Variants in CERS6 observed in about 807,000 individuals in gnomAD.
CERS6 encodes ceramide synthase 6.
In CERS6, 26 loss-of-function variants were observed where a neutral mutation model predicts 56.8. The observed-to-expected ratio is 0.46, with a 90% CI of 0.34 to 0.63. The LOEUF (loss-of-function observed/expected upper bound fraction) is 0.63, where lower values mean the gene tolerates loss of function less well. CERS6 is among the 30% of genes least tolerant of loss of function. The pLI, the probability that CERS6 is intolerant of heterozygous loss-of-function variation, is 0.01. For missense variants in CERS6, 415 were observed against 467.5 expected, an observed-to-expected ratio of 0.89 and a Z score of 1.04; for synonymous variants, 164 against 173.3, an observed-to-expected ratio of 0.95 and a Z score of 0.42.
intron 5 of CERS6, among the ~76,000 whole-genome samples, chr2:168,693,339 C>A (rs1216765024): frequency 6.6e-6 from 1 of 152,124 alleles, no homozygotes; most frequent in African/African-American, 2.4e-5. Context: ...AACTGCAAAG[C>A]ACTCGTCGGA....
chr2:168,745,390 C>T (rs1183152808), intron 8 of CERS6, among the ~76,000 whole-genome samples: 2 of 152,006 alleles, frequency 1.3e-5, no homozygotes, highest in African/African-American at 4.8e-5. Flanking sequence ...TACAGGCGCC[C>T]ACCACCACGC....
chr2:168,644,141 C>T (rs1863150), intron 4 of CERS6: 210,269 of 979,634 alleles, frequency 0.21, 24,853 homozygotes, highest in South Asian at 0.43. Flanking sequence ...TTTTTGGCAT[C>T]AGGCAGCACA....
intron 8 of CERS6, among the ~76,000 whole-genome samples, chr2:168,764,662 A>G (rs1318487046): frequency 6.6e-6 from 1 of 151,908 alleles, no homozygotes; most frequent in Non-Finnish European, 1.5e-5. Flanking sequence ...GCTTGTACTT[A>G]AGTAATGTTT....
At chr2:168,594,099 A>G (rs1191689526) in intron 3 of CERS6, among the ~76,000 whole-genome samples, 1 of 152,192 alleles carries the variant, frequency 6.6e-6, no homozygotes, top group Non-Finnish European at 1.5e-5. Flanking sequence ...ATTTCATTTC[A>G]TATACAGATA....
intron 3 of CERS6, among the ~76,000 whole-genome samples, chr2:168,569,355 G>T (rs1232256238): frequency 6.6e-6 from 1 of 152,220 alleles, no homozygotes; most frequent in Non-Finnish European, 1.5e-5. Context: ...TGTTCTGGGG[G>T]CACACAATTC....
intron 1 of CERS6, among the ~76,000 whole-genome samples, chr2:168,515,122 C>T (rs928309545): frequency 1.8e-4 from 27 of 152,126 alleles, no homozygotes; most frequent in African/African-American, 6.5e-4. Context: ...TCTCCTTAAC[C>T]TTTAAAATTG....
intron 3 of CERS6, among the ~76,000 whole-genome samples, chr2:168,623,179 G>A (rs1275069503): frequency 6.6e-6 from 1 of 152,174 alleles, no homozygotes; most frequent in Non-Finnish European, 1.5e-5. Flanking sequence ...AAGACTTCAA[G>A]CCCATTCCTC....
At chr2:168,539,857 G>T (rs905317855) in intron 1 of CERS6, among the ~76,000 whole-genome samples, 3 of 152,030 alleles carry the variant, frequency 2.0e-5, no homozygotes, top group Non-Finnish European at 4.4e-5. Context: ...AGTTTGGTGT[G>T]GGAATATGTT....
At chr2:168,595,431 A>C (rs1262504299) in intron 3 of CERS6, among the ~76,000 whole-genome samples, 2 of 152,210 alleles carry the variant, frequency 1.3e-5, no homozygotes, top group African/African-American at 4.8e-5. Flanking sequence ...ATGTTGAGAC[A>C]CTTTGGGGAG....
At chr2:168,654,893 T>C (rs1274823997) in intron 4 of CERS6, among the ~76,000 whole-genome samples, 3 of 152,244 alleles carry the variant, frequency 2.0e-5, no homozygotes, top group African/African-American at 7.2e-5. Flanking sequence ...AAGTTTGTTT[T>C]GACCAAGGTC....
In CERS6 at chr2:168,552,355, C is replaced by CAT. The variant is rs1238066951; in HGVS notation, c.276+4655_276+4656insTA. ...CCACCCTACATACAGAGTATACACACACACACACACACACACACACACACA... is the reference window on the plus strand; with the variant it reads ...CCACCCTACATACAGAGTATACACACATACACACACACACACACACACACACA... On this transcript the variant is annotated intron_variant, in intron 2 of 9. Transcript: ENST00000305747. Among the ~76,000 whole-genome samples, 30 of 104,858 alleles carry CAT rather than the reference C, an allele frequency of 2.9e-4. No homozygotes were observed. The East Asian group carries it at 4.6e-3, about 16-fold the overall frequency. 68.8% of individuals were successfully genotyped at this position (104,858 alleles called of 152,430 possible). A position where few individuals can be genotyped will look rare whatever the true frequency, so the allele number is the denominator to read the frequency against.
At chr2:168,659,764 A>G (rs1004481052) in intron 4 of CERS6, among the ~76,000 whole-genome samples, 1 of 152,042 alleles carries the variant, frequency 6.6e-6, no homozygotes. Context: ...CTTGGTCATT[A>G]CAATGTCCCT....
At position 168,774,898 on chromosome 2, in the gene CERS6, A is replaced by G. The variant is rs1020000356; in HGVS notation, c.*5236A>G. On this transcript the variant is annotated 3_prime_UTR_variant, in exon 10 of 10. Transcript: ENST00000305747. Reference sequence around the variant, plus strand: ...TTTTCAACTTGCAGTGAGAAATAGGATAGGTGACAAAACCTTACTTGTTTT... The same window carrying G: ...TTTTCAACTTGCAGTGAGAAATAGGGTAGGTGACAAAACCTTACTTGTTTT... The G allele has an allele frequency of 6.6e-6, 1 of 152,170 alleles. No homozygotes were observed. The highest frequency in any genetic ancestry group is 6.5e-5 in the Admixed American group (1 of 15,276). 9.4% of individuals were successfully genotyped at this position (152,170 alleles called of 1,614,324 possible). A position where few individuals can be genotyped will look rare whatever the true frequency, so the allele number is the denominator to read the frequency against.
chr2:168,600,823 G>A (rs746202213), intron 3 of CERS6, among the ~76,000 whole-genome samples: 1 of 152,174 alleles, frequency 6.6e-6, no homozygotes, highest in African/African-American at 2.4e-5. Flanking sequence ...GAATTAAATT[G>A]ATCTAATAGT....
chr2:168,582,432 C>T (rs937937456), intron 3 of CERS6, among the ~76,000 whole-genome samples: 3 of 152,008 alleles, frequency 2.0e-5, no homozygotes, highest in African/African-American at 7.3e-5. Context: ...ACCTCTGATG[C>T]TTTTAAGGAT....
At chr2:168,485,402 C>T (rs6733960) in intron 1 of CERS6, among the ~76,000 whole-genome samples, 11,767 of 152,090 alleles carry the variant, frequency 0.077, 503 homozygotes, top group East Asian at 0.18. Flanking sequence ...TTGTACGTTC[C>T]ATGAGTTTTG....
At chr2:168,735,618 A>T (rs1010395778) in intron 8 of CERS6, among the ~76,000 whole-genome samples, 3 of 152,018 alleles carry the variant, frequency 2.0e-5, no homozygotes, top group Admixed American at 6.6e-5. Context: ...CATGCCTACA[A>T]TCCCAGCACT....
At chr2:168,652,739 T>G (rs1266523473) in intron 4 of CERS6, among the ~76,000 whole-genome samples, 1 of 152,104 alleles carries the variant, frequency 6.6e-6, no homozygotes, top group Non-Finnish European at 1.5e-5. Context: ...AAAAACATCC[T>G]GGGAAATCTG....
chr2:168,685,544 A>G (rs1453084295), intron 4 of CERS6, among the ~76,000 whole-genome samples: 2 of 152,146 alleles, frequency 1.3e-5, no homozygotes, highest in Admixed American at 6.6e-5. Context: ...TCTGTTGACA[A>G]TGAAACCTCT....
Sources: allele counts gnomAD v4.1 joint callset (sites outside exome capture counted in the v4.1 genomes callset), GRCh38; gene constraint gnomAD v4.1.1; transcripts MANE v1.5; gene names NCBI Gene and HGNC (gene_info 2026-07-23, HGNC 2026-07-21).